The following SLC15A3 variants were observed in gnomAD, a reference collection of about 807,000 sequenced individuals.
The protein encoded by SLC15A3 is solute carrier family 15 member 3.
SLC15A3 carries 39 observed loss-of-function variants against 49.2 expected under a neutral mutation model. The ratio of observed to expected loss-of-function variants is 0.79; its 90% CI spans 0.61 to 1.04. The LOEUF (loss-of-function observed/expected upper bound fraction) is 1.04. Among genes scored for constraint, SLC15A3 ranks in the 50% least tolerant of loss-of-function variants. SLC15A3 has a pLI of 0.00. For missense variants in SLC15A3, 758 were observed against 794.8 expected (o/e 0.95, Z 0.56); for synonymous variants, 339 against 367.0 (o/e 0.92, Z 0.87).
intron 1 of SLC15A3, among the ~76,000 whole-genome samples, chr11:60,948,777 A>G (rs79379713): frequency 0.043 from 6,610 of 152,230 alleles, 190 homozygotes; most frequent in Middle Eastern, 0.071. Flanking sequence ...CAAGGGGAGA[A>G]CGTACAGGAG....
Position 60,951,138 on chromosome 11 carries a change from CG to C in SLC15A3, c.413del (p.Pro138ArgfsTer50), listed in dbSNP as rs1333096500. 6.7e-7 allele frequency: 1 copy of C among 1,485,596 alleles called. No homozygotes were observed. Among genetic ancestry groups the C allele is most frequent in the Admixed American group, 2.3e-5 (1 of 43,850 alleles). 92.0% of individuals were successfully genotyped at this position (1,485,596 alleles called of 1,614,324 possible). ...SSFCGEMPAS[P>X]LGPACPSAGC... ...CGGCCGAGGGGCAGGCAGGTCCCAG[CG>C]GCGACGCGGGCATCTCTCCGCAGAA... On this transcript the variant is annotated frameshift_variant, in exon 1 of 8. Transcript: ENST00000227880. LOFTEE classifies it high-confidence loss of function.
Position 60,937,260 on chromosome 11 carries a change from C to A in SLC15A3, c.1705G>T (p.Gly569Cys). 1 of 1,614,132 alleles carries A rather than the reference C, an allele frequency of 6.2e-7. No individual in the cohort carries two copies. Among genetic ancestry groups the A allele is most frequent in the South Asian group, 1.1e-5 (1 of 91,088 alleles). ...IAGRYERASQ[G>C]PASHSRFSRD... is the part of the protein sequence containing the mutation. ...CTGAAACGGCTGTGGGAGGCTGGGC[C>A]CTGGGACGCCCTCTCATAGCGTCCA... is the stretch of plus-strand genomic sequence containing the variant. Residue 569 changes from glycine to cysteine, a missense_variant, in exon 8 of 8, where the codon GGC becomes TGC. Physicochemically the swap from Gly to Cys is radical, Grantham distance 159. This residue lies in a region of SLC15A3 where 699 missense variants were observed against 706.7 expected (regional missense o/e 0.99). Transcript: ENST00000227880.
chr11:60,938,378 T>C (rs1441259354), intron 6 of SLC15A3, among the ~76,000 whole-genome samples: 1 of 152,110 alleles, frequency 6.6e-6, no homozygotes, highest in East Asian at 1.9e-4. Context: ...CATCGTCAAA[T>C]TGTTTTGATA....
chr11:60,946,474 G>A (rs937192162), intron 2 of SLC15A3, 58 bp downstream of exon 2: 84 of 1,503,494 alleles, frequency 5.6e-5, no homozygotes, highest in Non-Finnish European at 6.9e-5. Context: ...GCCTCCCCGG[G>A]AGCGATCCAG....
intron 1 of SLC15A3, 28 bp downstream of exon 1, chr11:60,950,966 A>T: frequency 1.4e-6 from 2 of 1,410,402 alleles, no homozygotes; most frequent in Non-Finnish European, 1.8e-6. Context: ...CCGCCGGAGT[A>T]TGCCGGGGCA....
chr11:60,941,079 C>T (rs1856700734), intron 5 of SLC15A3, 43 bp downstream of exon 5: 1 of 1,569,358 alleles, frequency 6.4e-7, no homozygotes, highest in Admixed American at 1.8e-5. Flanking sequence ...CAGACTTCCC[C>T]AAGCCCAAAG....
Position 60,946,812 on chromosome 11 carries a change from G to C in SLC15A3, c.568C>G (p.Leu190Val). The C allele has an allele frequency of 6.2e-7, 1 of 1,608,908 alleles. No individual in the cohort carries two copies. The highest frequency in any genetic ancestry group is 8.5e-7 in the Non-Finnish European group (1 of 1,178,622). ...TSFGADQVMDLGRDATRRFFN... is the reference protein window; with the variant it reads ...TSFGADQVMDVGRDATRRFFN... The stretch of plus-strand genomic sequence containing the variant: ...AAGCGGCGGGTGGCGTCGCGGCCGA[G>C]ATCCATCACCTGCCATTCAGGAAGG... The change falls in exon 2 of 8, where the codon CTC (leucine) becomes GTC (valine). Residue 190 changes from leucine to valine, a missense_variant. This residue lies in a region of SLC15A3 where 699 missense variants were observed against 706.7 expected (regional missense o/e 0.99). Coordinates refer to ENST00000227880, the MANE Select transcript of SLC15A3 (RefSeq NM_016582.3).
At position 60,951,018 on chromosome 11, in the gene SLC15A3, G is replaced by T. The variant is rs1856906897; in HGVS notation, c.534C>A (p.Asn178Lys). The change falls in exon 1 of 8, where the codon AAC (asparagine) becomes AAA (lysine). Residue 178 changes from asparagine to lysine, a missense_variant. Asn to Lys is a moderately conservative substitution (Grantham distance 94). Transcript: ENST00000227880. The stretch of plus-strand genomic sequence containing the variant: ...CCTGGTCGGCACCGAAGGAGGTGAG[G>T]TTGCTCCGGACGGAGCTGGCGGCCA... ...LGLAASSVRS[N>K]LTSFGADQVM... 3.9e-5 allele frequency: 58 copies of T among 1,491,400 alleles called. No homozygotes were observed. Among genetic ancestry groups the T allele is most frequent in the Non-Finnish European group, 5.1e-5 (57 of 1,127,510 alleles). The allele number at this position is 1,491,400 out of a possible 1,614,324, so 92.4% of individuals were successfully genotyped here.
rs1294842381 is a variant in SLC15A3, at chr11:60,943,728, GA to G, written c.956del (p.Val319AlafsTer3). 5.6e-6 allele frequency: 9 copies of G among 1,602,386 alleles called. No homozygotes were observed. Among genetic ancestry groups the G allele is most frequent in the Non-Finnish European group, 7.7e-6 (9 of 1,173,732 alleles). ...TCCAGTAGGGCACCAGGGTCACCATGACGGGCAAGATCTTCACCAGCACCTG... is the reference window on the plus strand; with the variant it reads ...TCCAGTAGGGCACCAGGGTCACCATGCGGGCAAGATCTTCACCAGCACCTG... Reference protein sequence around the residue: ...NFQVLVKILPVMVTLVPYWMV... With the variant: ...NFQVLVKILPXMVTLVPYWMV... On this transcript the variant is annotated frameshift_variant, in exon 3 of 8. Transcript: ENST00000227880. LOFTEE classifies it high-confidence loss of function.
At chr11:60,940,684 C>T (rs1275783648) in intron 5 of SLC15A3, 1 of 153,952 alleles carries the variant, frequency 6.5e-6, no homozygotes, top group African/African-American at 2.4e-5. Context: ...CTGATCCCCC[C>T]CACTGCCCCC....
intron 3 of SLC15A3, 164 bp downstream of exon 3, chr11:60,943,525 G>A (rs1397129602): frequency 1.8e-5 from 12 of 648,940 alleles, no homozygotes; most frequent in Admixed American, 1.3e-4. Context: ...TTGCTGAGAC[G>A]GCTTTGTGCC....
chr11:60,951,591 C>T lies in SLC15A3; in HGVS notation c.-40G>A, dbSNP rs925247778. 1 of 1,129,108 alleles carries T rather than the reference C, an allele frequency of 8.9e-7. No individual in the cohort carries two copies. The highest frequency in any genetic ancestry group is 1.1e-6 in the Non-Finnish European group (1 of 922,440). The allele number at this position is 1,129,108 out of a possible 1,614,324, so 69.9% of individuals were successfully genotyped here. ...GGGCCCCCCGCGGCTCTTCTCTCCT[C>T]TCCTCTCCCCGCCTCAGAGCCCTGC... On this transcript the variant is annotated 5_prime_UTR_variant, in exon 1 of 8. Transcript: ENST00000227880.
At chr11:60,946,880 C>A in intron 1 of SLC15A3, 59 bp from the exon 2 acceptor site, 2 of 1,530,838 alleles carry the variant, frequency 1.3e-6, no homozygotes, top group Non-Finnish European at 1.8e-6. Flanking sequence ...CTCTCTGTAC[C>A]CATACCCCTC....
chr11:60,950,475 G>T (rs535030883), intron 1 of SLC15A3, among the ~76,000 whole-genome samples: 1 of 152,278 alleles, frequency 6.6e-6, no homozygotes, highest in East Asian at 1.9e-4. Flanking sequence ...GCTTAGCATA[G>T]GGCCTGCAAG....
At chr11:60,937,541 C>CA (rs1161072178) in intron 7 of SLC15A3, 168 bp from the exon 8 acceptor site, 6 of 878,680 alleles carry the variant, frequency 6.8e-6, no homozygotes, top group Non-Finnish European at 1.1e-5. Context: ...TGAAGATCTC[C>CA]AGGGGTGTCT....
Position 60,950,975 on chromosome 11 carries a change from C to T in SLC15A3, c.558+19G>A. On this transcript the variant is annotated intron_variant, in intron 1 of 7. Coordinates refer to ENST00000227880, the MANE Select transcript of SLC15A3 (RefSeq NM_016582.3). ...CCACACCCGCCGGAGTATGCCGGGG[C>T]AGGCCTCCTGCCACTCACCTGGTCG... is the stretch of plus-strand genomic sequence containing the variant. 7.1e-7 allele frequency: 1 copy of T among 1,418,134 alleles called. No individual in the cohort carries two copies. The highest frequency in any genetic ancestry group is 1.5e-5 in the South Asian group (1 of 66,212). The allele number at this position is 1,418,134 out of a possible 1,614,324, so 87.8% of individuals were successfully genotyped here. A position where few individuals can be genotyped will look rare whatever the true frequency, so the allele number is the denominator to read the frequency against.
intron 7 of SLC15A3, 79 bp downstream of exon 7, chr11:60,937,791 A>G: frequency 6.6e-7 from 1 of 1,518,694 alleles, no homozygotes; most frequent in Non-Finnish European, 8.9e-7. Flanking sequence ...CCCCAGAGTC[A>G]AAGCACTTTA....
intron 5 of SLC15A3, chr11:60,940,636 G>C (rs191603305): frequency 6.6e-6 from 1 of 152,608 alleles, no homozygotes; most frequent in Non-Finnish European, 1.5e-5. Context: ...AAGTAAAAAG[G>C]GTTCAGGTTT....
At chr11:60,938,078 AG>A (rs1856650726) in intron 6 of SLC15A3, 53 bp from the exon 7 acceptor site, 1 of 1,569,490 alleles carries the variant, frequency 6.4e-7, no homozygotes, top group South Asian at 1.2e-5. Context: ...CGCAGAGAAC[AG>A]GCCCAGGCCC....
Sources: gnomAD v4.1 joint callset for allele counts (sites outside exome capture counted in the v4.1 genomes callset) on GRCh38, gnomAD v4.1.1 for gene constraint, gnomAD v4.1.1 regional missense constraint, MANE v1.5 for transcripts, NCBI Gene and HGNC (gene_info 2026-07-23, HGNC 2026-07-21) for gene names.